LOC128462377: variants seen among roughly 807,000 people sequenced by gnomAD.
At chr16:89,364,190 G>A in the LOC128462377 span, among the ~76,000 whole-genome samples, 1 of 152,200 alleles carries the variant, frequency 6.6e-6, no homozygotes, top group African/African-American at 2.4e-5. Context: ...CGAGGACCCT[G>A]CCACTTCCAC....
chr16:89,345,511 C>A, the LOC128462377 span, among the ~76,000 whole-genome samples: 1 of 152,192 alleles, frequency 6.6e-6, no homozygotes, highest in Non-Finnish European at 1.5e-5. Flanking sequence ...CCTCCAGTGG[C>A]CCCAGGCTCT....
chr16:89,410,225 G>A, the LOC128462377 span, among the ~76,000 whole-genome samples: 7 of 152,142 alleles, frequency 4.6e-5, no homozygotes, highest in Admixed American at 1.3e-4. Flanking sequence ...CCAACCCGGT[G>A]GGTACGGCCC....
the LOC128462377 span, among the ~76,000 whole-genome samples, chr16:89,373,777 ACC>A: frequency 6.6e-6 from 1 of 152,210 alleles, no homozygotes; most frequent in African/African-American, 2.4e-5. Flanking sequence ...TCCCCCAAGA[ACC>A]CAGCACCCAG....
the LOC128462377 span, among the ~76,000 whole-genome samples, chr16:89,327,024 G>C: frequency 6.6e-6 from 1 of 151,082 alleles, no homozygotes; most frequent in Non-Finnish European, 1.5e-5. Context: ...CAGAGGTGGG[G>C]AATGCAGAGG....
the LOC128462377 span, among the ~76,000 whole-genome samples, chr16:89,379,664 G>C: frequency 6.6e-6 from 1 of 152,310 alleles, no homozygotes; most frequent in East Asian, 1.9e-4. Flanking sequence ...CCACCTCCAG[G>C]TGACTGGGAC....
the LOC128462377 span, among the ~76,000 whole-genome samples, chr16:89,413,668 C>T: frequency 6.6e-6 from 1 of 152,112 alleles, no homozygotes; most frequent in Non-Finnish European, 1.5e-5. Flanking sequence ...ACAGTGGCAC[C>T]TACAAATCCC....
the LOC128462377 span, among the ~76,000 whole-genome samples, chr16:89,330,665 GGGGGGGGGGGC>G: frequency 4.4e-4 from 26 of 58,816 alleles, 2 homozygotes; most frequent in South Asian, 5.9e-3. Context: ...ACTGGGGGGG[GGGGGGGGGGGC>G]GGGGGCGGAG....
the LOC128462377 span, among the ~76,000 whole-genome samples, chr16:89,391,624 G>C: frequency 6.6e-6 from 1 of 152,152 alleles, no homozygotes; most frequent in South Asian, 2.1e-4. Flanking sequence ...ATGAAGTCAA[G>C]CTACACAGAC....
the LOC128462377 span, among the ~76,000 whole-genome samples, chr16:89,389,654 G>A: frequency 1.3e-5 from 2 of 152,234 alleles, no homozygotes; most frequent in Non-Finnish European, 2.9e-5. Context: ...TGAACTCAGA[G>A]AAACGGCATG....
At chr16:89,324,906 C>G in the LOC128462377 span, 1 of 224,014 alleles carries the variant, frequency 4.5e-6, no homozygotes, top group South Asian at 5.7e-5. Flanking sequence ...AATAAACTCC[C>G]CTCCATATAT....
chr16:89,348,033 A>G, the LOC128462377 span, among the ~76,000 whole-genome samples: 1 of 151,914 alleles, frequency 6.6e-6, no homozygotes, highest in Non-Finnish European at 1.5e-5. Context: ...TCCTGGGCTC[A>G]ATGGATCTTC....
At chr16:89,326,945 G>A in the LOC128462377 span, among the ~76,000 whole-genome samples, 2 of 152,186 alleles carry the variant, frequency 1.3e-5, no homozygotes, top group African/African-American at 2.4e-5. Flanking sequence ...AGGCGGAGAC[G>A]CAGAGAAAAG....
the LOC128462377 span, among the ~76,000 whole-genome samples, chr16:89,387,449 G>C: frequency 1.3e-5 from 2 of 150,236 alleles, no homozygotes; most frequent in Non-Finnish European, 3.0e-5. Context: ...GAGGCGGGCA[G>C]ATCACGAGGT....
At chr16:89,319,719 T>A in the LOC128462377 span, among the ~76,000 whole-genome samples, 1 of 152,226 alleles carries the variant, frequency 6.6e-6, no homozygotes, top group African/African-American at 2.4e-5. Context: ...TGAAGCTGGT[T>A]TGGATGTAGC....
At chr16:89,365,949 C>A in the LOC128462377 span, among the ~76,000 whole-genome samples, 1 of 152,126 alleles carries the variant, frequency 6.6e-6, no homozygotes, top group South Asian at 2.1e-4. Flanking sequence ...TCATAAGTGA[C>A]AACACGCAGT....
chr16:89,404,254 T>C, the LOC128462377 span, among the ~76,000 whole-genome samples: 2 of 152,154 alleles, frequency 1.3e-5, no homozygotes, highest in Non-Finnish European at 2.9e-5. Flanking sequence ...TCTAGTCTCC[T>C]ATCCACCCTC....
the LOC128462377 span, among the ~76,000 whole-genome samples, chr16:89,394,872 T>C: frequency 6.6e-6 from 1 of 152,106 alleles, no homozygotes; most frequent in Non-Finnish European, 1.5e-5. Context: ...TTAAGGCAGG[T>C]TGGCTGTAGC....
the LOC128462377 span, among the ~76,000 whole-genome samples, chr16:89,388,422 G>A: frequency 6.6e-6 from 1 of 150,602 alleles, no homozygotes; most frequent in East Asian, 2.0e-4. Context: ...GAGCCACCAC[G>A]CCCAGCCTCC....
the LOC128462377 span, among the ~76,000 whole-genome samples, chr16:89,352,784 T>C: frequency 6.6e-6 from 1 of 152,194 alleles, no homozygotes; most frequent in African/African-American, 2.4e-5. Context: ...GTGCGTTTCC[T>C]ATGTGCTGCT....
Sources: gnomAD v4.1 joint callset for allele counts (sites outside exome capture counted in the v4.1 genomes callset) on GRCh38, gnomAD v4.1.1 for gene constraint, MANE v1.5 for transcripts.